Variants in CDH13 observed in about 807,000 individuals in gnomAD.
CDH13 encodes the protein cadherin-13.
In CDH13, 24 loss-of-function variants were observed where a neutral mutation model predicts 63.8. The observed-to-expected ratio is 0.38, with a 90% CI of 0.27 to 0.53. The LOEUF is 0.53. CDH13 is among the 20% of genes least tolerant of loss of function. The probability of loss-of-function intolerance (pLI) is 0.85; values close to 1 mark genes in which losing one functional copy is unlikely to be tolerated. For missense variants in CDH13, 1,049 were observed against 903.1 expected (o/e 1.16, Z -2.07); for synonymous variants, 503 against 355.3 (o/e 1.42, Z -4.67).
At chr16:83,372,021 C>T (rs547495972) in intron 6 of CDH13, among the ~76,000 whole-genome samples, 7 of 152,328 alleles carry the variant, frequency 4.6e-5, no homozygotes, top group Middle Eastern at 3.4e-3. Flanking sequence ...TTCAGTTCCA[C>T]GTAAGTGGGT....
At chr16:83,624,955 C>A (rs1256128393) in intron 8 of CDH13, among the ~76,000 whole-genome samples, 1 of 152,208 alleles carries the variant, frequency 6.6e-6, no homozygotes, top group Non-Finnish European at 1.5e-5. Flanking sequence ...TTTGGGAGAG[C>A]TGATTGCCGC....
At chr16:83,031,831 G>T (rs1227878396) in intron 2 of CDH13, among the ~76,000 whole-genome samples, 179 bp from the exon 3 acceptor site, 1 of 152,188 alleles carries the variant, frequency 6.6e-6, no homozygotes, top group African/African-American at 2.4e-5. Flanking sequence ...TTGATTGAGT[G>T]AAGTCCATCA....
chr16:83,790,703 C>T lies in CDH13; in HGVS notation c.2135-4320C>T, dbSNP rs118015387. On this transcript the variant is annotated intron_variant, in intron 13 of 13. Coordinates refer to ENST00000567109, the MANE Select transcript of CDH13 (RefSeq NM_001257.5). The stretch of plus-strand genomic sequence containing the variant: ...CAGGCGTGAGCCACCATGCCTGGCC[C>T]GGTTGTTGTAGTATAAAGTGCATGT... Among the ~76,000 whole-genome samples the T allele has an allele frequency of 7.2e-3, 1,093 of 152,168 alleles. 5 individuals are homozygous for T. The highest frequency in any genetic ancestry group is 0.038 in the East Asian group (198 of 5,162).
At chr16:82,892,153 C>G (rs557896527) in intron 2 of CDH13, among the ~76,000 whole-genome samples, 49 of 152,242 alleles carry the variant, frequency 3.2e-4, no homozygotes, top group African/African-American at 1.2e-3. Context: ...TGTTCAGTTT[C>G]CTCATATGTG....
chr16:82,650,780 T>A (rs1048388027), intron 1 of CDH13, among the ~76,000 whole-genome samples: 1 of 152,204 alleles, frequency 6.6e-6, no homozygotes, highest in Non-Finnish European at 1.5e-5. Flanking sequence ...AAGTTGCACA[T>A]CCAGGATTGA....
intron 7 of CDH13, among the ~76,000 whole-genome samples, chr16:83,510,733 C>T (rs920588960): frequency 6.6e-6 from 1 of 152,156 alleles, no homozygotes; most frequent in African/African-American, 2.4e-5. Flanking sequence ...ACTGTCTAAG[C>T]CAAAGGGGGT....
chr16:83,307,470 G>T (rs1271301224), intron 5 of CDH13, among the ~76,000 whole-genome samples: 5 of 152,196 alleles, frequency 3.3e-5, no homozygotes, highest in African/African-American at 1.2e-4. Context: ...CTTGTCTGTA[G>T]TTGTGTGGGC....
rs181669888 is a variant in CDH13, at chr16:83,633,708, G to A, written c.1101+31114G>A. Among the ~76,000 whole-genome samples, 28 of 152,194 alleles carry A rather than the reference G, an allele frequency of 1.8e-4. 1 individual carries two copies. The East Asian group carries it at 4.1e-3, about 22-fold the overall frequency. ...CTGGCTTTCCGTAGCACTTTCTCTCGTTTTTGTTTCCAAAATCACTATTTA... is the reference window on the plus strand; with the variant it reads ...CTGGCTTTCCGTAGCACTTTCTCTCATTTTTGTTTCCAAAATCACTATTTA... On this transcript the variant is annotated intron_variant, in intron 8 of 13. Coordinates refer to ENST00000567109, the MANE Select transcript of CDH13 (RefSeq NM_001257.5).
intron 1 of CDH13, among the ~76,000 whole-genome samples, chr16:82,813,712 G>A (rs769444028): frequency 4.6e-5 from 7 of 152,038 alleles, no homozygotes; most frequent in African/African-American, 7.2e-5. Flanking sequence ...TTAAAGATTC[G>A]GCACTGAAAG....
At chr16:83,358,424 G>A (rs963400397) in intron 6 of CDH13, among the ~76,000 whole-genome samples, 2 of 152,156 alleles carry the variant, frequency 1.3e-5, no homozygotes, top group Non-Finnish European at 2.9e-5. Flanking sequence ...ACAAAACACA[G>A]AATAAGACCT....
At chr16:83,023,832 G>T (rs1022807272) in intron 2 of CDH13, among the ~76,000 whole-genome samples, 2 of 152,166 alleles carry the variant, frequency 1.3e-5, no homozygotes, top group African/African-American at 4.8e-5. Context: ...ATTATAATTG[G>T]TGAGAATGTA....
chr16:83,532,975 G>A lies in CDH13; in HGVS notation c.960+46320G>A, dbSNP rs1012782503. Among the ~76,000 whole-genome samples, 45 of 152,184 alleles carry A rather than the reference G, an allele frequency of 3.0e-4. 2 individuals carry two copies. The highest frequency in any genetic ancestry group is 1.1e-3 in the African/African-American group (44 of 41,438). On this transcript the variant is annotated intron_variant, in intron 7 of 13. Coordinates refer to ENST00000567109, the MANE Select transcript of CDH13 (RefSeq NM_001257.5). Reference sequence around the variant, plus strand: ...CACCAGCTGTTTCTAACACAAACTCGTGGTGACAGAGCTCTCTGTAGGAGA... The same window carrying A: ...CACCAGCTGTTTCTAACACAAACTCATGGTGACAGAGCTCTCTGTAGGAGA...
chr16:83,743,489 T>A (rs1038611163), intron 10 of CDH13, among the ~76,000 whole-genome samples: 1 of 152,152 alleles, frequency 6.6e-6, no homozygotes, highest in African/African-American at 2.4e-5. Flanking sequence ...AACATGCTAA[T>A]TGTACAACAA....
intron 1 of CDH13, among the ~76,000 whole-genome samples, chr16:82,819,263 C>G (rs1043984901): frequency 3.3e-5 from 5 of 152,166 alleles, no homozygotes; most frequent in African/African-American, 4.8e-5. Flanking sequence ...GCCTGCTAAG[C>G]ATGAAGGCAT....
At chr16:83,419,909 C>G (rs1271101796) in intron 6 of CDH13, among the ~76,000 whole-genome samples, 1 of 126,014 alleles carries the variant, frequency 7.9e-6, no homozygotes, top group Non-Finnish European at 1.7e-5. Flanking sequence ...TCTGAATCGT[C>G]CAATCTTTTT....
intron 10 of CDH13, among the ~76,000 whole-genome samples, chr16:83,742,614 C>G (rs1337826692): frequency 3.9e-5 from 6 of 152,192 alleles, no homozygotes; most frequent in Non-Finnish European, 7.3e-5. Flanking sequence ...CATAGCGCGC[C>G]TGGCCGATTG....
intron 10 of CDH13, among the ~76,000 whole-genome samples, chr16:83,684,044 A>G (rs540742993): frequency 6.6e-6 from 1 of 152,310 alleles, no homozygotes; most frequent in African/African-American, 2.4e-5. Flanking sequence ...TCTAATGAGG[A>G]GAGGACTTAT....
intron 1 of CDH13, among the ~76,000 whole-genome samples, chr16:82,751,397 C>T (rs945632894): frequency 1.3e-5 from 2 of 152,126 alleles, no homozygotes; most frequent in Admixed American, 6.6e-5. Context: ...GACAGCCCCA[C>T]CTCCTCCTGC....
At chr16:83,505,700 CG>C (rs2074380708) in intron 7 of CDH13, among the ~76,000 whole-genome samples, 1 of 151,886 alleles carries the variant, frequency 6.6e-6, no homozygotes, top group Non-Finnish European at 1.5e-5. Context: ...TGCGCCTCCA[CG>C]CCCGGCTAAT....
Sources: allele counts gnomAD v4.1 joint callset (sites outside exome capture counted in the v4.1 genomes callset), GRCh38; gene constraint gnomAD v4.1.1; transcripts MANE v1.5; gene names NCBI Gene and HGNC (gene_info 2026-07-23, HGNC 2026-07-21).